The following MYH7 variants were observed in gnomAD, a reference collection of about 807,000 sequenced individuals.
MYH7 encodes the protein myosin-7.
Under a neutral mutation model 225.4 loss-of-function variants are expected in MYH7, and 129 were observed. The ratio of observed to expected loss-of-function variants is 0.57; its 90% CI spans 0.50 to 0.66. The LOEUF (loss-of-function observed/expected upper bound fraction) is 0.66. MYH7 is among the 30% of genes least tolerant of loss of function. MYH7 has a pLI of 0.00. For synonymous variants in MYH7, 971 were observed against 1,007.6 expected (o/e 0.96, Z 0.69); for missense variants, 1,649 against 2,517.0 (o/e 0.66, Z 7.38).
rs1686026419 is a variant in MYH7, at chr14:23,423,685, C to T, written c.2961G>A (p.Glu987=). ...TCTCCTTGGTCAGCTTGGCAATGAT[C>T]TCATCCAGCCCAGCCATCTCCTCTG... is the stretch of plus-strand genomic sequence containing the variant. ...NLTEEMAGLD[E]IIAKLTKEKK... Residue 987 remains glutamate, a synonymous_variant, in exon 24 of 40, where the codon GAG becomes GAA. Coordinates refer to ENST00000355349, the MANE Select transcript of MYH7 (RefSeq NM_000257.4). 1.2e-6 allele frequency: 2 copies of T among 1,614,026 alleles called. No individual in the cohort carries two copies. The highest frequency in any genetic ancestry group is 2.2e-5 in the South Asian group (2 of 91,082).
Position 23,431,883 on chromosome 14 carries a change from G to A in MYH7, c.531-14C>T, listed in dbSNP as rs758951614. ...CCGGATTCTCCGCTGTGAAGACAGG[G>A]GCTTATTGGGCAGTGAACAATACTA... On this transcript the variant is annotated splice_polypyrimidine_tract_variant and intron_variant, in intron 6 of 39. Transcript: ENST00000355349. The A allele has an allele frequency of 2.5e-6, 4 of 1,612,230 alleles. No individual in the cohort carries two copies. Among genetic ancestry groups the A allele is most frequent in the Admixed American group, 1.7e-5 (1 of 60,032 alleles).
rs1484366352 is a variant in MYH7, at chr14:23,415,947, T to A, written c.4953+57A>T. The A allele has an allele frequency of 4.0e-5, 64 of 1,613,654 alleles. No individual in the cohort carries two copies. The Admixed American group carries it at 1.0e-3, about 25-fold the overall frequency. ...GGGCAGGAGGAATCTGGTGCCTGTA[T>A]CAAGACACTACTGCTTCGCCAGGCC... On this transcript the variant is annotated intron_variant, in intron 34 of 39. Coordinates refer to ENST00000355349, the MANE Select transcript of MYH7 (RefSeq NM_000257.4). The surrounding 1 kb of genome is among the most constrained non-coding windows in gnomAD (Gnocchi z 6.3).
intron 25 of MYH7, 139 bp downstream of exon 25, chr14:23,422,041 G>T (rs1892491482): frequency 1.5e-6 from 2 of 1,333,694 alleles, no homozygotes; most frequent in East Asian, 4.7e-5. Context: ...GCCCTTGCCT[G>T]GGAGGCCTTT....
At position 23,427,179 on chromosome 14, in the gene MYH7, T is replaced by C. The variant is rs867294691; in HGVS notation, c.1956+61A>G. 5.7e-5 allele frequency: 52 copies of C among 912,800 alleles called. No homozygotes were observed. In the Middle Eastern group the frequency reaches 2.9e-3, roughly 50 times the overall value. 56.5% of individuals were successfully genotyped at this position (912,800 alleles called of 1,614,324 possible). On this transcript the variant is annotated intron_variant, in intron 17 of 39. Coordinates refer to ENST00000355349, the MANE Select transcript of MYH7 (RefSeq NM_000257.4). ...AGGGGATGAACAAGGCAGGGAAGGG[T>C]GGGGCTGGGTGGGGTTGGGCAGATG...
chr14:23,421,853 G>A, intron 25 of MYH7: 4 of 884,740 alleles, frequency 4.5e-6, no homozygotes, highest in Non-Finnish European at 5.4e-6. Context: ...CTCTCATGTG[G>A]AGCCTTCCTC....
intron 1 of MYH7, among the ~76,000 whole-genome samples, chr14:23,435,127 G>A (rs557352503): frequency 2.6e-5 from 4 of 152,162 alleles, no homozygotes; most frequent in African/African-American, 9.6e-5. Context: ...GACTCGTGGA[G>A]GCATAGACAA....
At chr14:23,416,664 G>A (rs1892225629) in intron 33 of MYH7, among the ~76,000 whole-genome samples, 1 of 152,162 alleles carries the variant, frequency 6.6e-6, no homozygotes, top group African/African-American at 2.4e-5. Context: ...AGATGCAATG[G>A]GTAAAATGTT....
Position 23,431,018 on chromosome 14 carries a change from A to C in MYH7, c.797-19T>G. ...AGAAGATCTGTGAACAGGTGGGGAGAAGAAGGAGAGAAAGAAAAGTTAGGG... is the reference window on the plus strand; with the variant it reads ...AGAAGATCTGTGAACAGGTGGGGAGCAGAAGGAGAGAAAGAAAAGTTAGGG... On this transcript the variant is annotated intron_variant, in intron 9 of 39. Coordinates refer to ENST00000355349, the MANE Select transcript of MYH7 (RefSeq NM_000257.4). The C allele has an allele frequency of 6.4e-7, 1 of 1,568,170 alleles. No individual in the cohort carries two copies. Among genetic ancestry groups the C allele is most frequent in the Middle Eastern group, 1.7e-4 (1 of 5,984 alleles).
chr14:23,434,425 T>C (rs1167034635), intron 1 of MYH7, 176 bp from the exon 2 acceptor site: 2 of 231,502 alleles, frequency 8.6e-6, no homozygotes, highest in African/African-American at 2.3e-5. Flanking sequence ...ATTCCCTTTT[T>C]CCTCAAGAAC....
chr14:23,415,099 C>G lies in MYH7; in HGVS notation c.5455G>C (p.Val1819Leu). 4.3e-6 allele frequency: 7 copies of G among 1,614,086 alleles called. No homozygotes were observed. The highest frequency in any genetic ancestry group is 5.9e-6 in the Non-Finnish European group (7 of 1,180,060). Residue 1819 changes from valine (V) to leucine (L), a missense_variant, in exon 37 of 40, where the codon GTG becomes CTG. This residue lies in a region of MYH7 where 687 missense variants were observed against 913.8 expected (regional missense o/e 0.75). Coordinates refer to ENST00000355349, the MANE Select transcript of MYH7 (RefSeq NM_000257.4). This position sits in a 1 kb window ranked among gnomAD's most constrained non-coding sequence, Gnocchi z 6.3. ...KKQLQKLEAR[V>L]RELENELEAE... ...TCCAGCTCATTCTCCAGCTCCCGCA[C>G]CCGCGCTTCCAGCTTCTGCAGCTGC...
chr14:23,415,557 C>T lies in MYH7; in HGVS notation c.5158-51G>A. The T allele has an allele frequency of 6.2e-7, 1 of 1,614,026 alleles. No individual in the cohort carries two copies. Among genetic ancestry groups the T allele is most frequent in the Non-Finnish European group, 8.5e-7 (1 of 1,180,026 alleles). ...GCAGGAAAAGCATTGAGCATCTATG[C>T]ATAGCTCTCAAGCCTTGCTTGCTGA... On this transcript the variant is annotated intron_variant, in intron 35 of 39. Coordinates refer to ENST00000355349, the MANE Select transcript of MYH7 (RefSeq NM_000257.4). The surrounding 1 kb of genome is among the most constrained non-coding windows in gnomAD (Gnocchi z 6.3).
At chr14:23,434,138 G>A in intron 2 of MYH7, 56 bp downstream of exon 2, 1 of 1,021,428 alleles carries the variant, frequency 9.8e-7, no homozygotes, top group Middle Eastern at 4.5e-4. Flanking sequence ...CTGGCTTTGG[G>A]GCTCTAATGC....
chr14:23,429,153 T>C (rs1566535251), intron 13 of MYH7, 49 bp from the exon 14 acceptor site: 3 of 1,613,708 alleles, frequency 1.9e-6, no homozygotes, highest in Non-Finnish European at 2.5e-6. Flanking sequence ...TTGGGAAGAG[T>C]GAACTTGAAA....
intron 14 of MYH7, 110 bp from the exon 15 acceptor site, chr14:23,428,780 A>C (rs1475014161): frequency 3.8e-6 from 6 of 1,586,800 alleles, no homozygotes; most frequent in Admixed American, 3.6e-5. Context: ...GGTCCCCTCC[A>C]TGTCAAGGCA....
chr14:23,419,689 A>G, intron 27 of MYH7, 80 bp from the exon 28 acceptor site: 4 of 1,612,678 alleles, frequency 2.5e-6, no homozygotes, highest in Non-Finnish European at 3.4e-6. Flanking sequence ...ACTGAAGGAG[A>G]AAAGAAGAGG....
rs1320289690 is a variant in MYH7, at chr14:23,419,581, A to G, written c.3755T>C (p.Leu1252Ser). The G allele has an allele frequency of 6.2e-7, 1 of 1,613,942 alleles. No homozygotes were observed. The change falls in exon 28 of 40, where the codon TTG (leucine) becomes TCG (serine). Residue 1252 changes from leucine (L) to serine (S), a missense_variant. Physicochemically the swap from Leu to Ser is moderately radical, Grantham distance 145. Around this residue, in one of 12 missense-constraint regions of MYH7, gnomAD observed 687 missense variants for 913.8 expected, o/e 0.75. Transcript: ENST00000355349. ...KANLEKMCRTLEDQMNEHRSK... is the reference protein window; with the variant it reads ...KANLEKMCRTSEDQMNEHRSK... ...CCGGTGCTCATTCATCTGGTCTTCC[A>G]AGGTCCGGCACATCTTCTCCAGGTT...
In MYH7 at chr14:23,433,556, G is replaced by A. The variant is rs2138686535; in HGVS notation, c.177C>T (p.Val59=). ...AKIVSREGGK[V]TAETEYGKTV... Reference sequence around the variant, plus strand: ...CCTTGCCATACTCGGTCTCGGCAGTGACTTTGCCACCCTCTCGAGACACGA... The same window carrying A: ...CCTTGCCATACTCGGTCTCGGCAGTAACTTTGCCACCCTCTCGAGACACGA... Residue 59 remains valine, a synonymous_variant, in exon 3 of 40, where the codon GTC becomes GTT. Transcript: ENST00000355349. The surrounding 1 kb of genome is among the most constrained non-coding windows in gnomAD (Gnocchi z 4.1). The A allele has an allele frequency of 6.2e-7, 1 of 1,614,156 alleles. No individual in the cohort carries two copies. The highest frequency in any genetic ancestry group is 8.5e-7 in the Non-Finnish European group (1 of 1,180,038).
In MYH7 at chr14:23,433,225, T is replaced by G. The variant is rs1428522940; in HGVS notation, c.204A>C (p.Thr68=). Residue 68 remains threonine (T), a splice_region_variant and synonymous_variant, in exon 4 of 40, where the codon ACA becomes ACC. Coordinates refer to ENST00000355349, the MANE Select transcript of MYH7 (RefSeq NM_000257.4). This position sits in a 1 kb window ranked among gnomAD's most constrained non-coding sequence, Gnocchi z 4.1. ...TCACCTGGTCCTCCTTCACGGTCAC[T>G]GTCTGCAAGAGCCCCCACCCAAGCC... ...KVTAETEYGK[T]VTVKEDQVMQ... is the part of the protein sequence containing the mutation. 2 of 1,614,072 alleles carry G rather than the reference T, an allele frequency of 1.2e-6. No homozygotes were observed. The highest frequency in any genetic ancestry group is 1.7e-6 in the Non-Finnish European group (2 of 1,180,030).
rs397516213 is a variant in MYH7, at chr14:23,417,277, C to T, written c.4395G>A (p.Ser1465=). 18 of 1,614,162 alleles carry T rather than the reference C, an allele frequency of 1.1e-5. No individual in the cohort carries two copies. The highest frequency in any genetic ancestry group is 8.9e-5 in the East Asian group (4 of 44,876). The part of the protein sequence containing the change: ...EWKQKYEESQ[S]ELESSQKEAR... ...CCTCCTTCTGCGAGGACTCCAGCTCCGACTGCGACTCCTCATACTTCTGCT... is the reference window on the plus strand; with the variant it reads ...CCTCCTTCTGCGAGGACTCCAGCTCTGACTGCGACTCCTCATACTTCTGCT... Residue 1465 remains serine, a synonymous_variant, in exon 32 of 40, where the codon TCG becomes TCA. Coordinates refer to ENST00000355349, the MANE Select transcript of MYH7 (RefSeq NM_000257.4).
Sources: gnomAD v4.1 joint callset for allele counts (sites outside exome capture counted in the v4.1 genomes callset) on GRCh38, gnomAD v4.1.1 for gene constraint, gnomAD v4.1.1 regional missense constraint, Gnocchi (gnomAD v3.1) non-coding constraint, MANE v1.5 for transcripts, NCBI Gene and HGNC (gene_info 2026-07-23, HGNC 2026-07-21) for gene names.